Variants in DAB1 observed in about 807,000 individuals in gnomAD.
The protein encoded by DAB1 is DAB adaptor protein 1.
A neutral mutation model predicts 64.6 loss-of-function variants in DAB1; 15 were observed. That is an observed-to-expected ratio of 0.23 (90% CI 0.16 to 0.36). The LOEUF is 0.36. Among genes scored for constraint, DAB1 ranks in the 10% least tolerant of loss-of-function variants. DAB1 has a pLI of 1.00. For missense variants in DAB1, 596 were observed against 706.7 expected, an observed-to-expected ratio of 0.84 and a Z score of 1.78; for synonymous variants, 235 against 251.9, an observed-to-expected ratio of 0.93 and a Z score of 0.64.
Position 58,249,181 on chromosome 1 carries a change from C to A in DAB1, n.309+94171G>T, listed in dbSNP as rs1570539196. ...AATTTTCTCAGCAAAAATTGGTACA[C>A]GCACACACACACACATTCTCTCTCT... On this transcript the variant is annotated intron_variant and non_coding_transcript_variant, in intron 4 of 20. Transcript: ENST00000485760. 2.6e-5 allele frequency among the ~76,000 whole-genome samples: 4 copies of A among 152,100 alleles called. 1 individual carries two copies. The highest frequency in any genetic ancestry group is 2.6e-4 in the Admixed American group (4 of 15,282).
At chr1:58,339,562 C>T (rs1352533683) in intron 4 of DAB1, among the ~76,000 whole-genome samples, 1 of 152,064 alleles carries the variant, frequency 6.6e-6, no homozygotes, top group Admixed American at 6.6e-5. Context: ...GGAAAATGTT[C>T]AAAGGCTCAG....
chr1:58,545,373 C>CTT (rs1646684589), intron 1 of DAB1, among the ~76,000 whole-genome samples: 1 of 152,158 alleles, frequency 6.6e-6, no homozygotes, highest in Non-Finnish European at 1.5e-5. Context: ...CACTGACAAC[C>CTT]AAGTGTCGTT....
At chr1:57,909,886 C>T (rs1644614823) in intron 5 of DAB1, among the ~76,000 whole-genome samples, 2 of 152,160 alleles carry the variant, frequency 1.3e-5, no homozygotes, top group Non-Finnish European at 1.5e-5. Context: ...TTCAGTGATT[C>T]ATGTTAAGCC....
intron 7 of DAB1, among the ~76,000 whole-genome samples, chr1:57,510,130 C>A (rs1644389997): frequency 1.3e-5 from 2 of 152,186 alleles, no homozygotes; most frequent in Non-Finnish European, 2.9e-5. Context: ...TAAAGCCCTA[C>A]ACACACAACT....
intron 6 of DAB1, among the ~76,000 whole-genome samples, chr1:57,794,840 C>A (rs1347310030): frequency 6.6e-6 from 1 of 152,184 alleles, no homozygotes; most frequent in African/African-American, 2.4e-5. Context: ...TCACCTAGAC[C>A]TAATTTTCTC....
At chr1:58,382,996 T>C (rs1644403040) in intron 3 of DAB1, among the ~76,000 whole-genome samples, 1 of 152,204 alleles carries the variant, frequency 6.6e-6, no homozygotes, top group Non-Finnish European at 1.5e-5. Flanking sequence ...TTTGTGCTAA[T>C]GTGTAATGAG....
chr1:58,519,077 C>T (rs966429167), intron 2 of DAB1, among the ~76,000 whole-genome samples: 2 of 152,178 alleles, frequency 1.3e-5, no homozygotes, highest in East Asian at 1.9e-4. Flanking sequence ...TTACCCCACA[C>T]TGCAGAGACC....
chr1:57,066,339 G>C (rs1483437769), intron 8 of DAB1, among the ~76,000 whole-genome samples: 2 of 152,126 alleles, frequency 1.3e-5, no homozygotes, highest in Non-Finnish European at 2.9e-5. Context: ...CATTGTAGCT[G>C]TTTTTCCTAT....
chr1:57,029,607 G>A (rs1056656413), intron 9 of DAB1, among the ~76,000 whole-genome samples: 2 of 152,178 alleles, frequency 1.3e-5, no homozygotes, highest in Admixed American at 6.5e-5. Context: ...AAAGCCACAG[G>A]GGAAGGGCTG....
At chr1:58,450,046 G>T (rs1014807393) in intron 3 of DAB1, among the ~76,000 whole-genome samples, 4 of 152,276 alleles carry the variant, frequency 2.6e-5, no homozygotes, top group African/African-American at 9.6e-5. Context: ...GACATAATTG[G>T]AGAATAAAAA....
intron 6 of DAB1, among the ~76,000 whole-genome samples, chr1:57,693,334 A>C (rs1186120212): frequency 6.6e-6 from 1 of 152,088 alleles, no homozygotes; most frequent in Non-Finnish European, 1.5e-5. Context: ...GATTTAGAGA[A>C]CTTTTCTCTC....
At chr1:57,469,480 A>T (rs1347779137) in intron 7 of DAB1, among the ~76,000 whole-genome samples, 1 of 152,164 alleles carries the variant, frequency 6.6e-6, no homozygotes, top group Admixed American at 6.6e-5. Context: ...TCTCTGACAG[A>T]AGCCATGTCC....
chr1:58,220,908 G>A (rs908994187), intron 4 of DAB1, among the ~76,000 whole-genome samples: 1 of 150,634 alleles, frequency 6.6e-6, no homozygotes, highest in Non-Finnish European at 1.5e-5. Flanking sequence ...TATTATCAAT[G>A]TGAATACATT....
chr1:58,486,963 AG>A (rs1204868319), intron 3 of DAB1, among the ~76,000 whole-genome samples: 1 of 152,228 alleles, frequency 6.6e-6, no homozygotes, highest in Non-Finnish European at 1.5e-5. Flanking sequence ...TGGAAGACAT[AG>A]GAAGAGTCTG....
chr1:57,271,211 A>G (rs1359856884), intron 2 of DAB1, among the ~76,000 whole-genome samples: 1 of 152,170 alleles, frequency 6.6e-6, no homozygotes, highest in Non-Finnish European at 1.5e-5. Flanking sequence ...GCATGAACAC[A>G]TAGGGTGCCG....
At chr1:58,151,783 G>C (rs1416137816) in intron 4 of DAB1, among the ~76,000 whole-genome samples, 1 of 152,180 alleles carries the variant, frequency 6.6e-6, no homozygotes, top group East Asian at 1.9e-4. Flanking sequence ...TCCCTGGAGA[G>C]TTAATTCCAG....
At chr1:58,412,927 C>G (rs923673759) in intron 3 of DAB1, among the ~76,000 whole-genome samples, 1 of 152,174 alleles carries the variant, frequency 6.6e-6, no homozygotes, top group African/African-American at 2.4e-5. Flanking sequence ...ATGTTACATG[C>G]TTTGTAAAAT....
intron 4 of DAB1, among the ~76,000 whole-genome samples, chr1:58,250,860 C>T (rs560543341): frequency 2.6e-5 from 4 of 152,290 alleles, no homozygotes; most frequent in South Asian, 2.1e-4. Context: ...TTGGCCTGCA[C>T]GTGCTTTTAC....
intron 5 of DAB1, among the ~76,000 whole-genome samples, chr1:58,136,512 C>A (rs559234143): frequency 3.9e-5 from 6 of 152,302 alleles, no homozygotes; most frequent in Non-Finnish European, 7.3e-5. Flanking sequence ...TCACAGCCAG[C>A]CTCTTGAAAT....
Sources: gnomAD v4.1 joint callset for allele counts (sites outside exome capture counted in the v4.1 genomes callset) on GRCh38, gnomAD v4.1.1 for gene constraint, MANE v1.5 for transcripts, NCBI Gene and HGNC (gene_info 2026-07-23, HGNC 2026-07-21) for gene names.